The following FAM171A1 variants were observed in gnomAD, a reference collection of about 807,000 sequenced individuals.
FAM171A1 encodes the protein family with sequence similarity 171 member A1.
FAM171A1 carries 23 observed loss-of-function variants against 74.9 expected under a neutral mutation model. The observed-to-expected ratio is 0.31, with a 90% CI of 0.22 to 0.44. FAM171A1 has a LOEUF of 0.44. Among genes scored for constraint, FAM171A1 ranks in the 20% least tolerant of loss-of-function variants. The probability of loss-of-function intolerance (pLI) is 1.00; values close to 1 mark genes in which losing one functional copy is unlikely to be tolerated. For synonymous variants in FAM171A1, 527 were observed against 505.7 expected (o/e 1.04, Z -0.57); for missense variants, 1,162 against 1,159.2 (o/e 1.00, Z -0.03).
At chr10:15,370,696 G>A (rs1471052204) in intron 1 of FAM171A1, among the ~76,000 whole-genome samples, 6 of 151,512 alleles carry the variant, frequency 4.0e-5, no homozygotes, top group Non-Finnish European at 7.4e-5. Context: ...GACAGCAGCT[G>A]GAGCTGCCCG....
chr10:15,268,109 G>A (rs989325004), intron 3 of FAM171A1, among the ~76,000 whole-genome samples: 9 of 152,078 alleles, frequency 5.9e-5, no homozygotes, highest in South Asian at 4.1e-4. Flanking sequence ...CTGTAGCCTC[G>A]TCCCTTCCTT....
intron 1 of FAM171A1, among the ~76,000 whole-genome samples, chr10:15,338,352 T>C (rs11259611): frequency 0.44 from 66,203 of 152,076 alleles, 14,786 homozygotes; most frequent in Non-Finnish European, 0.51. Flanking sequence ...ATATACATTA[T>C]GTGCCTATCA....
At chr10:15,350,031 T>C (rs976186899) in intron 1 of FAM171A1, among the ~76,000 whole-genome samples, 4 of 151,722 alleles carry the variant, frequency 2.6e-5, no homozygotes, top group Non-Finnish European at 5.9e-5. Flanking sequence ...TAATAATCTG[T>C]GAGAGGGAGA....
intron 3 of FAM171A1, among the ~76,000 whole-genome samples, chr10:15,269,281 T>A (rs957288317): frequency 3.3e-5 from 5 of 151,666 alleles, no homozygotes; most frequent in Admixed American, 6.6e-5. Context: ...ACACAGATTT[T>A]TTTTCATTTT....
upstream of FAM171A1, among the ~76,000 whole-genome samples, chr10:15,374,318 A>T (rs569634045): frequency 6.6e-6 from 1 of 152,322 alleles, no homozygotes; most frequent in African/African-American, 2.4e-5. Flanking sequence ...AAAGCCAAAA[A>T]CAGGGCTGGG....
intron 1 of FAM171A1, among the ~76,000 whole-genome samples, chr10:15,299,492 T>G (rs1051778387): frequency 7.7e-6 from 1 of 129,548 alleles, no homozygotes; most frequent in East Asian, 5.1e-4. Context: ...GTTTTTGTTT[T>G]TTTTGTTTTT....
At chr10:15,357,458 A>C (rs545860440) in intron 1 of FAM171A1, among the ~76,000 whole-genome samples, 10 of 152,320 alleles carry the variant, frequency 6.6e-5, no homozygotes, top group African/African-American at 2.2e-4. Context: ...GGTTGCCCTG[A>C]AGAGTAGAGG....
At chr10:15,356,953 AGAGT>A (rs1438471534) in intron 1 of FAM171A1, among the ~76,000 whole-genome samples, 1 of 151,974 alleles carries the variant, frequency 6.6e-6, no homozygotes, top group Non-Finnish European at 1.5e-5. Flanking sequence ...CCTGGGCAAC[AGAGT>A]GAGGCTGTCT....
At chr10:15,239,416 C>G (rs1834335484) in intron 5 of FAM171A1, among the ~76,000 whole-genome samples, 1 of 151,994 alleles carries the variant, frequency 6.6e-6, no homozygotes, top group African/African-American at 2.4e-5. Context: ...GGATTCTCAG[C>G]CTCCCAAGAA....
At chr10:15,337,106 C>T (rs1352613675) in intron 1 of FAM171A1, among the ~76,000 whole-genome samples, 1 of 151,328 alleles carries the variant, frequency 6.6e-6, no homozygotes, top group Non-Finnish European at 1.5e-5. Flanking sequence ...GCCTTGAACT[C>T]CTGGACACAA....
intron 5 of FAM171A1, among the ~76,000 whole-genome samples, chr10:15,239,625 C>A (rs1834338537): frequency 6.6e-6 from 1 of 152,082 alleles, no homozygotes. Flanking sequence ...TAACCCATTC[C>A]CCTCACATAC....
intron 2 of FAM171A1, 92 bp downstream of exon 2, chr10:15,283,786 T>C: frequency 7.8e-7 from 1 of 1,276,368 alleles, no homozygotes; most frequent in Non-Finnish European, 1.1e-6. Flanking sequence ...AGTCTCACTA[T>C]GTTGCCCAAG....
intron 1 of FAM171A1, among the ~76,000 whole-genome samples, chr10:15,338,620 T>C (rs887980944): frequency 2.0e-5 from 3 of 152,228 alleles, no homozygotes; most frequent in African/African-American, 4.8e-5. Flanking sequence ...TTCAATCCTA[T>C]TAAACTTGTA....
intron 5 of FAM171A1, among the ~76,000 whole-genome samples, chr10:15,236,238 T>A (rs1834287580): frequency 6.9e-6 from 1 of 144,994 alleles, no homozygotes. Context: ...ATGTTAAATT[T>A]AAAAACAGTA....
intron 1 of FAM171A1, among the ~76,000 whole-genome samples, chr10:15,369,330 C>T (rs1457909664): frequency 6.6e-6 from 1 of 151,792 alleles, no homozygotes; most frequent in Non-Finnish European, 1.5e-5. Flanking sequence ...TCAACTTGCT[C>T]TTTAAAATTA....
At chr10:15,333,922 T>G (rs1835670931) in intron 1 of FAM171A1, among the ~76,000 whole-genome samples, 1 of 152,166 alleles carries the variant, frequency 6.6e-6, no homozygotes. Context: ...CTGCTCCTTT[T>G]GGGGTCGTTT....
At position 15,254,771 on chromosome 10, in the gene FAM171A1, G is replaced by A. The variant is rs2131768381; in HGVS notation, c.527C>T (p.Ser176Leu). 13 of 1,614,156 alleles carry A rather than the reference G, an allele frequency of 8.1e-6. No individual in the cohort carries two copies. Among genetic ancestry groups the A allele is most frequent in the East Asian group, 2.2e-5 (1 of 44,878 alleles). The part of the protein sequence containing the change: ...TAFLTAASSP[S>L]EVDSFPYLRG... ...CAAATAAGGAAAACTGTCCACCTCC[G>A]AAGGGGAGCTGGCGGCCGTGAGAAA... Residue 176 changes from serine (S) to leucine (L), a missense_variant, in exon 4 of 8, where the codon TCG becomes TTG. By Grantham distance (145) the Ser-to-Leu change is moderately radical. Transcript: ENST00000378116.
chr10:15,252,511 A>G (rs924017798), intron 4 of FAM171A1, among the ~76,000 whole-genome samples: 6 of 152,122 alleles, frequency 3.9e-5, no homozygotes, highest in African/African-American at 1.4e-4. Flanking sequence ...ACAGGAGATG[A>G]GTGACTGTGG....
chr10:15,280,078 C>T (rs1834947485), intron 2 of FAM171A1, among the ~76,000 whole-genome samples: 1 of 151,944 alleles, frequency 6.6e-6, no homozygotes, highest in Admixed American at 6.6e-5. Flanking sequence ...CAGAGTGAGA[C>T]TTCATCTCAA....
Sources: gnomAD v4.1 joint callset for allele counts (sites outside exome capture counted in the v4.1 genomes callset) on GRCh38, gnomAD v4.1.1 for gene constraint, MANE v1.5 for transcripts, NCBI Gene and HGNC (gene_info 2026-07-23, HGNC 2026-07-21) for gene names.